ECPAS: variants seen among roughly 807,000 people sequenced by gnomAD.
The protein encoded by ECPAS is proteasome adapter and scaffold protein ECM29.
Under a neutral mutation model 255.1 loss-of-function variants are expected in ECPAS, and 70 were observed. The ratio of observed to expected loss-of-function variants is 0.27; its 90% CI spans 0.23 to 0.33. ECPAS has a LOEUF of 0.33. ECPAS is among the 10% of genes least tolerant of loss of function. The pLI, the probability that ECPAS is intolerant of heterozygous loss-of-function variation, is 1.00. For missense variants in ECPAS, 1,817 were observed against 2,206.4 expected, an observed-to-expected ratio of 0.82 and a Z score of 3.54; for synonymous variants, 784 against 775.0, an observed-to-expected ratio of 1.01 and a Z score of -0.19.
Position 111,389,683 on chromosome 9 carries a change from C to A in ECPAS, c.3320G>T (p.Gly1107Val), listed in dbSNP as rs559316569. 15 of 1,613,600 alleles carry A rather than the reference C, an allele frequency of 9.3e-6. No homozygotes were observed. Among genetic ancestry groups the A allele is most frequent in the Non-Finnish European group, 1.2e-5 (14 of 1,179,776 alleles). The change falls in exon 31 of 50, where the codon GGA becomes GTA. Residue 1107 changes from glycine (G) to valine (V), a missense_variant. Physicochemically the swap from Gly to Val is moderately radical, Grantham distance 109 (BLOSUM62 -3). Transcript: ENST00000684092. ...AGGCAGAAAAGGAGCCAGCTGCTCTCCAGCTCTGGTAGCAATTACATTAAA... is the reference window on the plus strand; with the variant it reads ...AGGCAGAAAAGGAGCCAGCTGCTCTACAGCTCTGGTAGCAATTACATTAAA... Reference protein sequence around the residue: ...FGFNVIATRAGEQLAPFLPQL... With the variant: ...FGFNVIATRAVEQLAPFLPQL...
In ECPAS at chr9:111,434,477, G is replaced by A. The variant is rs550831330; in HGVS notation, c.709-1105C>T. Reference sequence around the variant, plus strand: ...ACATAAAAAGCAAACTACAAATAATGTATTACATGACAAGTAGAAATGTAT... The same window carrying A: ...ACATAAAAAGCAAACTACAAATAATATATTACATGACAAGTAGAAATGTAT... On this transcript the variant is annotated intron_variant, in intron 7 of 49. Transcript: ENST00000684092. 9.9e-5 allele frequency among the ~76,000 whole-genome samples: 15 copies of A among 151,738 alleles called. 1 individual carries two copies. The South Asian group carries it at 2.7e-3, about 27-fold the overall frequency.
chr9:111,363,039 AG>A (rs1796698044), intron 49 of ECPAS, among the ~76,000 whole-genome samples: 1 of 152,150 alleles, frequency 6.6e-6, no homozygotes, highest in South Asian at 2.1e-4. Context: ...AGAGAGAGAG[AG>A]AAAAAAGAAG....
chr9:111,464,357 T>C (rs2098276705), intron 2 of ECPAS, among the ~76,000 whole-genome samples: 1 of 147,106 alleles, frequency 6.8e-6, no homozygotes, highest in Non-Finnish European at 1.5e-5. Flanking sequence ...GGTGGGAGAA[T>C]CCCTTAAGCC....
chr9:111,372,523 C>G lies in ECPAS; in HGVS notation c.4434G>C (p.Leu1478=). 1 of 1,613,816 alleles carries G rather than the reference C, an allele frequency of 6.2e-7. No individual in the cohort carries two copies. Among genetic ancestry groups the G allele is most frequent in the Non-Finnish European group, 8.5e-7 (1 of 1,179,798 alleles). Residue 1478 remains leucine, a synonymous_variant, in exon 42 of 50, where the codon CTG becomes CTC. Coordinates refer to ENST00000684092, the MANE Select transcript of ECPAS (RefSeq NM_001364929.1). ...CAATTTCATGCATGCCTAAAAATGC[C>G]AGAGGCAGGACTTCTTTTGCATGAT... ...LKNHAKEVLP[L]AFLGMHEIAD... is the part of the protein sequence containing the mutation.
chr9:111,401,249 G>GAGAAAC (rs1410425788), intron 24 of ECPAS, among the ~76,000 whole-genome samples: 1 of 152,196 alleles, frequency 6.6e-6, no homozygotes, highest in Non-Finnish European at 1.5e-5. Flanking sequence ...CTAAGTGTCG[G>GAGAAAC]TTGGTCTGAG....
chr9:111,412,107 T>C lies in ECPAS; in HGVS notation c.2121A>G (p.Ala707=). ...ATACCACTACAGAATAAAACAACGC[T>C]GCCAGTTCGCGCATTTCTTCTTTAC... is the stretch of plus-strand genomic sequence containing the variant. ...NNSKEEMREL[A]ALFYSVVVST... is the part of the protein sequence containing the mutation. Residue 707 remains alanine, a synonymous_variant, in exon 21 of 50, where the codon GCA becomes GCG. Coordinates refer to ENST00000684092, the MANE Select transcript of ECPAS (RefSeq NM_001364929.1). 1 of 1,594,380 alleles carries C rather than the reference T, an allele frequency of 6.3e-7. No homozygotes were observed. Among genetic ancestry groups the C allele is most frequent in the Non-Finnish European group, 8.5e-7 (1 of 1,174,612 alleles).
In ECPAS at chr9:111,477,900, C is replaced by CT. The variant is rs34461136; in HGVS notation, c.-82-4901dup. 8.6e-3 allele frequency among the ~76,000 whole-genome samples: 1,190 copies of CT among 138,358 alleles called. 11 individuals are homozygous for CT. The highest frequency in any genetic ancestry group is 0.039 in the East Asian group (183 of 4,718). 90.8% of individuals were successfully genotyped at this position (138,358 alleles called of 152,430 possible). ...AAATTAACCTGCCTATTTTTGGCAA[C>CT]TTTTTTTTTTTTTTTTTTGAAACAA... On this transcript the variant is annotated intron_variant, in intron 1 of 49. Coordinates refer to ENST00000684092, the MANE Select transcript of ECPAS (RefSeq NM_001364929.1).
At chr9:111,363,853 T>G (rs1365735715) in intron 48 of ECPAS, among the ~76,000 whole-genome samples, 194 bp from the exon 49 acceptor site, 2 of 152,144 alleles carry the variant, frequency 1.3e-5, no homozygotes, top group Non-Finnish European at 2.9e-5. Flanking sequence ...GTCCACAGTC[T>G]TTACTTTGGA....
Position 111,396,997 on chromosome 9 carries a change from T to C in ECPAS, c.2776+33A>G, listed in dbSNP as rs775882747. The C allele has an allele frequency of 1.9e-6, 3 of 1,613,310 alleles. No homozygotes were observed. The East Asian group carries it at 6.7e-5, about 36-fold the overall frequency. Reference sequence around the variant, plus strand: ...AAGAGAACAAAAAAAGGTTACTTGATCATTATAAATCGATTAGCTGAATAT... The same window carrying C: ...AAGAGAACAAAAAAAGGTTACTTGACCATTATAAATCGATTAGCTGAATAT... On this transcript the variant is annotated intron_variant, in intron 25 of 49. Coordinates refer to ENST00000684092, the MANE Select transcript of ECPAS (RefSeq NM_001364929.1).
intron 3 of ECPAS, among the ~76,000 whole-genome samples, chr9:111,445,481 G>A (rs141971222): frequency 5.3e-4 from 81 of 151,932 alleles, no homozygotes; most frequent in African/African-American, 7.5e-4. Flanking sequence ...AAGACTTCAC[G>A]GAGGAAGTGA....
intron 24 of ECPAS, among the ~76,000 whole-genome samples, chr9:111,408,321 T>C (rs1364679822): frequency 2.0e-5 from 3 of 152,190 alleles, no homozygotes; most frequent in African/African-American, 7.2e-5. Flanking sequence ...GTGGATATGT[T>C]TCCCCTTCTA....
chr9:111,458,881 G>T (rs1025133874), intron 2 of ECPAS, among the ~76,000 whole-genome samples: 3 of 152,168 alleles, frequency 2.0e-5, no homozygotes, highest in African/African-American at 7.2e-5. Context: ...CCTTTGGCTG[G>T]TTTTAACTTG....
chr9:111,410,012 GA>G (rs775331041), intron 23 of ECPAS, 28 bp downstream of exon 23: 1 of 1,524,666 alleles, frequency 6.6e-7, no homozygotes, highest in Non-Finnish European at 8.9e-7. Flanking sequence ...CCGAATTCCA[GA>G]AAGGGAAAAA....
chr9:111,388,743 T>C (rs1308320345), intron 31 of ECPAS, among the ~76,000 whole-genome samples: 1 of 152,172 alleles, frequency 6.6e-6, no homozygotes, highest in Non-Finnish European at 1.5e-5. Flanking sequence ...AGGAATACTT[T>C]GGAAGCAGAA....
intron 2 of ECPAS, among the ~76,000 whole-genome samples, chr9:111,471,865 G>T (rs2098288645): frequency 2.0e-5 from 3 of 152,128 alleles, no homozygotes; most frequent in African/African-American, 7.2e-5. Flanking sequence ...CACTTTGGGG[G>T]GCCCAGGTAG....
intron 9 of ECPAS, among the ~76,000 whole-genome samples, chr9:111,428,379 A>ATT (rs1264715180): frequency 6.6e-6 from 1 of 152,186 alleles, no homozygotes; most frequent in African/African-American, 2.4e-5. Flanking sequence ...ATTTTAACAT[A>ATT]TTTGTTTACT....
At position 111,469,799 on chromosome 9, in the gene ECPAS, ACT is replaced by A. The variant is rs937873446; in HGVS notation, c.22+3096_22+3097del. 1.7e-4 allele frequency among the ~76,000 whole-genome samples: 26 copies of A among 151,196 alleles called. 1 individual carries two copies. The highest frequency in any genetic ancestry group is 7.3e-5 in the African/African-American group (3 of 40,996). On this transcript the variant is annotated intron_variant, in intron 2 of 49. Transcript: ENST00000684092. ...ACTCCAGCCTGAGTGACAGAGCGAG[ACT>A]CTGTCTCAAAAAAAAAAAAGACGCC...
chr9:111,470,788 AGAGG>A (rs1300702694), intron 2 of ECPAS, among the ~76,000 whole-genome samples: 1 of 151,310 alleles, frequency 6.6e-6, no homozygotes. Context: ...ACACACACAC[AGAGG>A]AAGGGGAGGA....
At chr9:111,471,435 A>G (rs1284418921) in intron 2 of ECPAS, among the ~76,000 whole-genome samples, 1 of 152,224 alleles carries the variant, frequency 6.6e-6, no homozygotes, top group Non-Finnish European at 1.5e-5. Context: ...CTAAATGAAT[A>G]AGACATTTTG....
Sources: allele counts gnomAD v4.1 joint callset (sites outside exome capture counted in the v4.1 genomes callset), GRCh38; gene constraint gnomAD v4.1.1; transcripts MANE v1.5; gene names NCBI Gene and HGNC (gene_info 2026-07-23, HGNC 2026-07-21).